Variants in MYRIP observed in about 807,000 individuals in gnomAD.
MYRIP encodes the protein rab effector MyRIP.
MYRIP carries 49 observed loss-of-function variants against 98.0 expected under a neutral mutation model. The observed-to-expected ratio is 0.50, with a 90% CI of 0.40 to 0.63. MYRIP has a LOEUF of 0.63. Ranked by LOEUF, MYRIP falls within the 30% of genes least tolerant of loss-of-function variation. The pLI, the probability that MYRIP is intolerant of heterozygous loss-of-function variation, is 0.00. For synonymous variants in MYRIP, 404 were observed against 409.5 expected, an observed-to-expected ratio of 0.99 and a Z score of 0.16; for missense variants, 1,004 against 1,058.2, an observed-to-expected ratio of 0.95 and a Z score of 0.71.
At chr3:40,000,062 A>G (rs920013369) in intron 2 of MYRIP, among the ~76,000 whole-genome samples, 2 of 151,214 alleles carry the variant, frequency 1.3e-5, no homozygotes, top group Admixed American at 1.3e-4. Context: ...ACAATAGGAA[A>G]TATACCTAAT....
chr3:40,192,328 C>CATATATATATATGTCATAT (rs1553624974), intron 10 of MYRIP, among the ~76,000 whole-genome samples: 579 of 37,110 alleles, frequency 0.016, 6 homozygotes, highest in South Asian at 0.03. Flanking sequence ...ATATATATGT[C>CATATATATATATGTCATAT]ATATATATAT....
At chr3:39,954,660 A>G (rs1251438617) in intron 2 of MYRIP, among the ~76,000 whole-genome samples, 1 of 152,182 alleles carries the variant, frequency 6.6e-6, no homozygotes, top group African/African-American at 2.4e-5. Context: ...GCAAAGCTGG[A>G]CGGGGAATGC....
intron 2 of MYRIP, among the ~76,000 whole-genome samples, chr3:40,035,823 C>T (rs1387695467): frequency 6.6e-6 from 1 of 151,822 alleles, no homozygotes; most frequent in Non-Finnish European, 1.5e-5. Context: ...GTGGAACAGG[C>T]ATATTTAAGT....
intron 2 of MYRIP, among the ~76,000 whole-genome samples, chr3:39,941,049 A>G (rs923681322): frequency 1.3e-5 from 2 of 152,106 alleles, no homozygotes; most frequent in Non-Finnish European, 2.9e-5. Flanking sequence ...CCTGCCCCAC[A>G]TCATTTACTG....
At chr3:39,849,316 A>T (rs1942058761) in intron 1 of MYRIP, among the ~76,000 whole-genome samples, 1 of 152,220 alleles carries the variant, frequency 6.6e-6, no homozygotes, top group Non-Finnish European at 1.5e-5. Context: ...CTGAAGTTGG[A>T]TACAAATAGA....
intron 2 of MYRIP, among the ~76,000 whole-genome samples, chr3:40,013,478 C>A (rs1399955182): frequency 6.6e-6 from 1 of 152,226 alleles, no homozygotes; most frequent in African/African-American, 2.4e-5. Flanking sequence ...CTGTCTGAAA[C>A]TTTCCCCTGA....
intron 2 of MYRIP, among the ~76,000 whole-genome samples, chr3:40,000,266 T>C (rs140647113): frequency 1.4e-3 from 210 of 152,316 alleles, no homozygotes; most frequent in African/African-American, 4.7e-3. Context: ...ATACCTTGAT[T>C]ATGGCAATTT....
At chr3:39,951,957 T>C (rs1202460615) in intron 2 of MYRIP, among the ~76,000 whole-genome samples, 1 of 152,176 alleles carries the variant, frequency 6.6e-6, no homozygotes, top group Non-Finnish European at 1.5e-5. Flanking sequence ...AATTTAATGA[T>C]TTCTAGTAAA....
At chr3:40,250,811 G>A (rs1321774161) in intron 15 of MYRIP, among the ~76,000 whole-genome samples, 1 of 152,260 alleles carries the variant, frequency 6.6e-6, no homozygotes, top group Non-Finnish European at 1.5e-5. Context: ...TCCTCCTGGT[G>A]ACCTCTGGGA....
chr3:40,192,566 G>A (rs2679812), intron 10 of MYRIP, among the ~76,000 whole-genome samples: 124,516 of 151,232 alleles, frequency 0.82, 52,513 homozygotes, highest in Middle Eastern at 0.95. Context: ...ATAGTTCAGT[G>A]AATGTGTTTT....
chr3:39,987,128 G>A (rs370127746), intron 2 of MYRIP, among the ~76,000 whole-genome samples: 33 of 152,136 alleles, frequency 2.2e-4, no homozygotes, highest in African/African-American at 7.2e-4. Flanking sequence ...GCATGCATTC[G>A]TTATTTGTCC....
intron 1 of MYRIP, among the ~76,000 whole-genome samples, chr3:39,878,884 G>A (rs1330201963): frequency 7.8e-6 from 1 of 127,512 alleles, no homozygotes; most frequent in Non-Finnish European, 1.6e-5. Context: ...GTGAAACCTC[G>A]TCTCTACTAA....
At chr3:40,079,081 C>T (rs1948417941) in intron 3 of MYRIP, among the ~76,000 whole-genome samples, 1 of 152,096 alleles carries the variant, frequency 6.6e-6, no homozygotes, top group Non-Finnish European at 1.5e-5. Context: ...AGTGAAAACC[C>T]CAGAAAGAGG....
intron 3 of MYRIP, among the ~76,000 whole-genome samples, chr3:40,113,147 C>G (rs536864908): frequency 2.0e-5 from 3 of 152,252 alleles, no homozygotes; most frequent in Admixed American, 2.0e-4. Context: ...AAATAAAGGT[C>G]TTTGTTTGTT....
At chr3:39,854,561 T>A (rs1249107929) in intron 1 of MYRIP, among the ~76,000 whole-genome samples, 1 of 152,154 alleles carries the variant, frequency 6.6e-6, no homozygotes, top group Non-Finnish European at 1.5e-5. Flanking sequence ...TTTTTTAAAA[T>A]TTTTTTAAGT....
Position 39,981,941 on chromosome 3 carries a change from C to A in MYRIP, c.111-62109C>A, listed in dbSNP as rs547119981. On this transcript the variant is annotated intron_variant, in intron 2 of 16. Transcript: ENST00000302541. ...TTGGATTGGAGAACACACACACACA[C>A]AAAAAAACAAACATAGTTTTAAAGA... Among the ~76,000 whole-genome samples the A allele has an allele frequency of 3.6e-3, 552 of 151,596 alleles. 3 individuals are homozygous for A. Among genetic ancestry groups the A allele is most frequent in the Middle Eastern group, 6.8e-3 (2 of 292 alleles).
At chr3:40,047,798 G>C (rs1483194000) in intron 3 of MYRIP, among the ~76,000 whole-genome samples, 1 of 152,164 alleles carries the variant, frequency 6.6e-6, no homozygotes, top group Non-Finnish European at 1.5e-5. Context: ...CCTGTGAGCG[G>C]ACAGTCTTTT....
intron 2 of MYRIP, among the ~76,000 whole-genome samples, chr3:39,955,908 A>G (rs954107345): frequency 2.1e-4 from 32 of 152,364 alleles, no homozygotes; most frequent in Admixed American, 3.9e-4. Context: ...TTTTAAATCA[A>G]CAAAGATCAA....
intron 3 of MYRIP, among the ~76,000 whole-genome samples, chr3:40,076,956 G>T (rs1424859939): frequency 6.6e-6 from 1 of 152,090 alleles, no homozygotes; most frequent in Non-Finnish European, 1.5e-5. Flanking sequence ...CATTGCATAT[G>T]ACAGCTTACC....
Sources: gnomAD v4.1 joint callset for allele counts (sites outside exome capture counted in the v4.1 genomes callset) on GRCh38, gnomAD v4.1.1 for gene constraint, MANE v1.5 for transcripts, NCBI Gene and HGNC (gene_info 2026-07-23, HGNC 2026-07-21) for gene names.